Variants in EFCAB5 observed in about 807,000 individuals in gnomAD.
The protein encoded by EFCAB5 is EF-hand calcium binding domain 5.
A neutral mutation model predicts 167.9 loss-of-function variants in EFCAB5; 131 were observed. The ratio of observed to expected loss-of-function variants is 0.78; its 90% CI spans 0.68 to 0.90. The LOEUF is 0.90. Among genes scored for constraint, EFCAB5 ranks in the 40% least tolerant of loss-of-function variants. EFCAB5 has a pLI of 0.00. For synonymous variants in EFCAB5, 574 were observed against 602.8 expected (o/e 0.95, Z 0.70); for missense variants, 1,663 against 1,745.2 (o/e 0.95, Z 0.84).
At position 29,999,913 on chromosome 17, in the gene EFCAB5, C is replaced by T; in HGVS notation, c.981C>T (p.His327=). The T allele has an allele frequency of 3.8e-6, 6 of 1,581,530 alleles. No individual in the cohort carries two copies. The highest frequency in any genetic ancestry group is 5.2e-6 in the Non-Finnish European group (6 of 1,162,054). ...TCTTCATTCCATAAATAGGATCACACTGCAAACAACTGGATATTACTGACT... is the reference window on the plus strand; with the variant it reads ...TCTTCATTCCATAAATAGGATCACATTGCAAACAACTGGATATTACTGACT... ...FQNPDFKLGS[H]CKQLDITDST... The change falls in exon 7 of 23, where the codon CAC becomes CAT. Residue 327 remains histidine, a synonymous_variant. Transcript: ENST00000394835.
At chr17:29,985,884 T>C (rs1312598089) in intron 4 of EFCAB5, among the ~76,000 whole-genome samples, 2 of 152,164 alleles carry the variant, frequency 1.3e-5, no homozygotes, top group Admixed American at 1.3e-4. Context: ...GGGGTCCTGT[T>C]CCCAACATGT....
intron 11 of EFCAB5, 22 bp from the exon 12 acceptor site, chr17:30,056,042 G>C: frequency 6.2e-7 from 1 of 1,613,074 alleles, no homozygotes; most frequent in Non-Finnish European, 8.5e-7. Flanking sequence ...GATTGGCTAT[G>C]TTATGGAATG....
intron 14 of EFCAB5, among the ~76,000 whole-genome samples, chr17:30,061,296 G>A (rs1192418555): frequency 1.3e-5 from 2 of 152,204 alleles, no homozygotes; most frequent in African/African-American, 4.8e-5. Context: ...GCTGATGGCA[G>A]TATGGAAGAA....
intron 22 of EFCAB5, among the ~76,000 whole-genome samples, chr17:30,105,341 G>T (rs2071435163): frequency 6.6e-6 from 1 of 151,978 alleles, no homozygotes. Context: ...ATAAAAATTA[G>T]CCAGGCCTGG....
chr17:29,938,780 C>T (rs990628237), upstream of EFCAB5, among the ~76,000 whole-genome samples: 7 of 152,204 alleles, frequency 4.6e-5, no homozygotes, highest in African/African-American at 1.7e-4. Context: ...CTTCAGGCCT[C>T]ACTTCTAATT....
At chr17:30,098,576 A>C (rs1597574642) in intron 22 of EFCAB5, among the ~76,000 whole-genome samples, 1 of 150,600 alleles carries the variant, frequency 6.6e-6, no homozygotes, top group Non-Finnish European at 1.5e-5. Flanking sequence ...CTGTCCTTCC[A>C]CCTCAGCCTC....
chr17:30,017,179 A>T (rs2069065216), intron 7 of EFCAB5, among the ~76,000 whole-genome samples: 2 of 152,276 alleles, frequency 1.3e-5, no homozygotes. Context: ...CGTGTCTCAA[A>T]AAAAGAAAAA....
intron 17 of EFCAB5, among the ~76,000 whole-genome samples, chr17:30,082,676 G>C (rs1361866569): frequency 6.6e-6 from 1 of 152,132 alleles, no homozygotes; most frequent in African/African-American, 2.4e-5. Context: ...ACAGGCATGA[G>C]CCATGGCACC....
At chr17:30,081,725 C>G (rs1282704528) in intron 17 of EFCAB5, among the ~76,000 whole-genome samples, 1 of 152,152 alleles carries the variant, frequency 6.6e-6, no homozygotes, top group African/African-American at 2.4e-5. Context: ...TTTCTCTTCC[C>G]ATTTATTGGG....
intron 8 of EFCAB5, among the ~76,000 whole-genome samples, chr17:30,045,430 C>G (rs1004390376): frequency 6.9e-6 from 1 of 145,556 alleles, no homozygotes; most frequent in African/African-American, 2.6e-5. Context: ...TAAACTCCAG[C>G]CTGGGCGACA....
chr17:30,071,020 A>C (rs568074090), intron 14 of EFCAB5, among the ~76,000 whole-genome samples: 1 of 151,012 alleles, frequency 6.6e-6, no homozygotes. Flanking sequence ...TAAGACCCCT[A>C]GACTATGAAA....
intron 10 of EFCAB5, 97 bp from the exon 11 acceptor site, chr17:30,055,791 T>C: frequency 1.6e-6 from 2 of 1,276,518 alleles, no homozygotes; most frequent in Non-Finnish European, 2.2e-6. Flanking sequence ...GTTTTTGGTG[T>C]TCTATATGCA....
chr17:29,955,297 CCCA>C (rs1434279585), intron 3 of EFCAB5, among the ~76,000 whole-genome samples: 1 of 152,076 alleles, frequency 6.6e-6, no homozygotes, highest in Non-Finnish European at 1.5e-5. Flanking sequence ...TCCCATAATT[CCCA>C]CGTGTCATGG....
At chr17:30,035,333 G>A (rs1021950275) in intron 8 of EFCAB5, among the ~76,000 whole-genome samples, 1 of 152,164 alleles carries the variant, frequency 6.6e-6, no homozygotes, top group African/African-American at 2.4e-5. Context: ...AACATAGTGG[G>A]ATAATATTTA....
chr17:29,932,149 CTTTT>C (rs35344808), intron 1 of EFCAB5, among the ~76,000 whole-genome samples: 3 of 136,586 alleles, frequency 2.2e-5, no homozygotes, highest in Non-Finnish European at 3.1e-5. Flanking sequence ...ATTAAGATAA[CTTTT>C]TTTTTTTTTT....
intron 6 of EFCAB5, among the ~76,000 whole-genome samples, chr17:29,998,573 G>A (rs936697979): frequency 2.0e-5 from 3 of 152,180 alleles, no homozygotes; most frequent in African/African-American, 4.8e-5. Flanking sequence ...TGCTAGAAAC[G>A]TCTGGTTTGC....
chr17:30,005,830 G>A (rs1026786240), intron 7 of EFCAB5, among the ~76,000 whole-genome samples: 6 of 152,160 alleles, frequency 3.9e-5, no homozygotes, highest in Non-Finnish European at 7.4e-5. Flanking sequence ...GCCATGTCAG[G>A]TAAGGGTTAA....
At chr17:30,001,663 GATAAT>G (rs893274747) in intron 7 of EFCAB5, among the ~76,000 whole-genome samples, 7 of 151,918 alleles carry the variant, frequency 4.6e-5, no homozygotes, top group African/African-American at 1.5e-4. Context: ...CTCCATAAAA[GATAAT>G]ATAAGTTCAT....
chr17:29,983,712 G>C lies in EFCAB5; in HGVS notation c.768-9453G>C, dbSNP rs190307800. On this transcript the variant is annotated intron_variant, in intron 4 of 22. Coordinates refer to ENST00000394835, the MANE Select transcript of EFCAB5 (RefSeq NM_198529.4). ...TAAACATCTTCATGAGATAATGCAG[G>C]CTACAGAAGACAAATTTTATTAATT... 5.7e-3 allele frequency among the ~76,000 whole-genome samples: 865 copies of C among 152,216 alleles called. 6 individuals carry two copies. The highest frequency in any genetic ancestry group is 9.2e-3 in the Non-Finnish European group (629 of 68,024).
Sources: gnomAD v4.1 joint callset for allele counts (sites outside exome capture counted in the v4.1 genomes callset) on GRCh38, gnomAD v4.1.1 for gene constraint, MANE v1.5 for transcripts, NCBI Gene and HGNC (gene_info 2026-07-23, HGNC 2026-07-21) for gene names.